Variants in VWA3B observed in about 807,000 individuals in gnomAD.
VWA3B encodes the protein von Willebrand factor A domain-containing protein 3B.
A neutral mutation model predicts 158.3 loss-of-function variants in VWA3B; 138 were observed. That is an observed-to-expected ratio of 0.87 (90% CI 0.76 to 1.00). The LOEUF (loss-of-function observed/expected upper bound fraction) is 1.00, where lower values mean the gene tolerates loss of function less well. Ranked by LOEUF, VWA3B falls within the 50% of genes least tolerant of loss-of-function variation. The pLI, the probability that VWA3B is intolerant of heterozygous loss-of-function variation, is 0.00. For missense variants in VWA3B, 1,555 were observed against 1,565.1 expected (o/e 0.99, Z 0.11); for synonymous variants, 596 against 587.3 (o/e 1.01, Z -0.21).
rs1160981179 is a variant in VWA3B, at chr2:98,254,741, G to A, written c.2793-1383G>A. On this transcript the variant is annotated intron_variant, in intron 20 of 27. Transcript: ENST00000477737. ...CCGAAAAGTTGGGCACTGGCCCAAA[G>A]CCTCACGGCAAGAAGGAGAAGAAGC... Among the ~76,000 whole-genome samples, 3 of 152,212 alleles carry A rather than the reference G, an allele frequency of 2.0e-5. No homozygotes were observed. In the East Asian group the frequency reaches 5.8e-4, roughly 29 times the overall value.
intron 24 of VWA3B, among the ~76,000 whole-genome samples, chr2:98,299,134 C>T (rs1256352191): frequency 1.3e-5 from 2 of 152,162 alleles, no homozygotes; most frequent in African/African-American, 4.8e-5. Context: ...GATGTTTTCC[C>T]TTTGATTTAA....
At chr2:98,298,373 G>GATTCT (rs61254436) in intron 24 of VWA3B, among the ~76,000 whole-genome samples, 21,407 of 121,926 alleles carry the variant, frequency 0.18, 2,640 homozygotes, top group Admixed American at 0.19. Flanking sequence ...AACTACAAAA[G>GATTCT]ATTCTATTCT....
chr2:98,218,093 T>A, intron 14 of VWA3B, 65 bp downstream of exon 14: 1 of 1,491,504 alleles, frequency 6.7e-7, no homozygotes, highest in Non-Finnish European at 8.9e-7. Flanking sequence ...TGGCGGTCCC[T>A]GGGTAATACC....
intron 21 of VWA3B, among the ~76,000 whole-genome samples, chr2:98,257,132 C>A (rs1156857529): frequency 6.6e-6 from 1 of 152,014 alleles, no homozygotes; most frequent in African/African-American, 2.4e-5. Context: ...CCTCTGGTAA[C>A]TATGATTCTA....
chr2:98,302,683 G>A (rs946855953), intron 25 of VWA3B, among the ~76,000 whole-genome samples: 1 of 152,132 alleles, frequency 6.6e-6, no homozygotes, highest in African/African-American at 2.4e-5. Context: ...AGAGGTTAAA[G>A]CACACACCTG....
At chr2:98,101,055 T>C (rs1683042758) in intron 2 of VWA3B, among the ~76,000 whole-genome samples, 1 of 152,246 alleles carries the variant, frequency 6.6e-6, no homozygotes, top group East Asian at 1.9e-4. Flanking sequence ...TTGTATTTAC[T>C]GATAGCCCAG....
At chr2:98,227,663 C>A (rs912595308) in intron 14 of VWA3B, among the ~76,000 whole-genome samples, 1 of 151,970 alleles carries the variant, frequency 6.6e-6, no homozygotes, top group African/African-American at 2.4e-5. Flanking sequence ...CTGTGTGATT[C>A]CATTTGTATA....
rs1674795750 is a variant in VWA3B at position 98,119,552 on chromosome 2, C to T, written c.331C>T (p.His111Tyr). ...AGAACTGATTTATCAGTTTGTGGAA[C>T]ATTTAACACAAGCTGTGGAGAGCTA... ...KSELIYQFVE[H>Y]LTQAVESYKQ... Residue 111 changes from histidine (H) to tyrosine (Y), a missense_variant, in exon 4 of 28, where the codon CAT (histidine) becomes TAT (tyrosine). Coordinates refer to ENST00000477737, the MANE Select transcript of VWA3B (RefSeq NM_144992.5). 1 of 1,613,786 alleles carries T rather than the reference C, an allele frequency of 6.2e-7. No homozygotes were observed. Among genetic ancestry groups the T allele is most frequent in the Admixed American group, 1.7e-5 (1 of 59,978 alleles).
the VWA3B span, among the ~76,000 whole-genome samples, chr2:98,319,520 G>A: frequency 6.6e-6 from 1 of 152,138 alleles, no homozygotes. Context: ...CTATAAAGCT[G>A]TAAGAATGGA....
intron 5 of VWA3B, among the ~76,000 whole-genome samples, chr2:98,127,401 G>A (rs536702966): frequency 2.9e-4 from 44 of 152,250 alleles, no homozygotes; most frequent in African/African-American, 1.1e-3. Flanking sequence ...GGGGAGGACT[G>A]TGGAAGCACC....
At chr2:98,169,564 A>T (rs1170013945) in intron 8 of VWA3B, among the ~76,000 whole-genome samples, 1 of 152,214 alleles carries the variant, frequency 6.6e-6, no homozygotes, top group Non-Finnish European at 1.5e-5. Flanking sequence ...ACCAGTGTGT[A>T]CACTTTAAAG....
chr2:98,249,720 A>G (rs1232603376), intron 19 of VWA3B, among the ~76,000 whole-genome samples: 2 of 152,122 alleles, frequency 1.3e-5, no homozygotes, highest in African/African-American at 4.8e-5. Context: ...ATTGATCACT[A>G]AGCATTCTTT....
intron 10 of VWA3B, among the ~76,000 whole-genome samples, chr2:98,192,540 G>A (rs960121852): frequency 6.6e-6 from 1 of 152,164 alleles, no homozygotes; most frequent in African/African-American, 2.4e-5. Context: ...TTTTGTGGTG[G>A]AATGTCATCA....
chr2:98,137,990 T>C (rs1325304429), intron 7 of VWA3B, among the ~76,000 whole-genome samples: 1 of 152,238 alleles, frequency 6.6e-6, no homozygotes, highest in Non-Finnish European at 1.5e-5. Flanking sequence ...TGCAAATCCA[T>C]GCCATCATGT....
At chr2:98,190,577 G>A (rs1055335225) in intron 10 of VWA3B, among the ~76,000 whole-genome samples, 12 of 152,088 alleles carry the variant, frequency 7.9e-5, no homozygotes, top group African/African-American at 2.2e-4. Context: ...AGCTGTTTCA[G>A]TCTGAAAAAC....
At chr2:98,319,910 TCA>T in the VWA3B span, among the ~76,000 whole-genome samples, 1 of 118,326 alleles carries the variant, frequency 8.5e-6, no homozygotes, top group Non-Finnish European at 1.9e-5. Context: ...ACACACACAC[TCA>T]CACAACAAAA....
intron 8 of VWA3B, among the ~76,000 whole-genome samples, chr2:98,180,066 TTC>T (rs1558642013): frequency 1.3e-5 from 2 of 148,958 alleles, no homozygotes; most frequent in African/African-American, 2.5e-5. Context: ...TTTTCTCTCT[TTC>T]TCTCTTTCTT....
At chr2:98,224,219 T>C (rs545156817) in intron 14 of VWA3B, among the ~76,000 whole-genome samples, 2 of 152,076 alleles carry the variant, frequency 1.3e-5, no homozygotes, top group South Asian at 2.1e-4. Context: ...AAAGAAATAA[T>C]TGGAGCATCA....
At chr2:98,268,430 T>C (rs978703987) in intron 21 of VWA3B, among the ~76,000 whole-genome samples, 2 of 152,172 alleles carry the variant, frequency 1.3e-5, no homozygotes, top group African/African-American at 4.8e-5. Flanking sequence ...ACTGATTCTT[T>C]CTTCTGCTTA....
Sources: allele counts gnomAD v4.1 joint callset (sites outside exome capture counted in the v4.1 genomes callset), GRCh38; gene constraint gnomAD v4.1.1; transcripts MANE v1.5; gene names NCBI Gene and HGNC (gene_info 2026-07-23, HGNC 2026-07-21).